Variants in UNC5D observed in about 807,000 individuals in gnomAD.
The protein encoded by UNC5D is unc-5 netrin receptor D.
UNC5D carries 39 observed loss-of-function variants against 105.4 expected under a neutral mutation model. The observed-to-expected ratio is 0.37, with a 90% CI of 0.29 to 0.48. UNC5D has a LOEUF of 0.48. Ranked by LOEUF, UNC5D falls within the 20% of genes least tolerant of loss-of-function variation. The pLI is 0.98. For synonymous variants in UNC5D, 452 were observed against 450.4 expected, an observed-to-expected ratio of 1.00 and a Z score of -0.04; for missense variants, 991 against 1,202.4, an observed-to-expected ratio of 0.82 and a Z score of 2.60.
At chr8:35,363,559 A>G (rs1801959777) in intron 1 of UNC5D, among the ~76,000 whole-genome samples, 1 of 152,026 alleles carries the variant, frequency 6.6e-6, no homozygotes, top group Non-Finnish European at 1.5e-5. Context: ...TAGATTGTGC[A>G]TTTTCATTAT....
chr8:35,291,914 A>T (rs1807093955), intron 1 of UNC5D, among the ~76,000 whole-genome samples: 2 of 152,180 alleles, frequency 1.3e-5, no homozygotes, highest in African/African-American at 4.8e-5. Flanking sequence ...CTTTGGAATG[A>T]TTGCTGTTAG....
intron 1 of UNC5D, among the ~76,000 whole-genome samples, chr8:35,430,777 A>G (rs1040630177): frequency 7.2e-5 from 11 of 152,188 alleles, no homozygotes; most frequent in African/African-American, 2.7e-4. Flanking sequence ...TTTGCTACTG[A>G]GAACAGATAA....
chr8:35,280,579 A>T (rs1806080905), intron 1 of UNC5D, among the ~76,000 whole-genome samples: 1 of 152,198 alleles, frequency 6.6e-6, no homozygotes, highest in African/African-American at 2.4e-5. Flanking sequence ...AAGGGAACAC[A>T]TCCTCTCTTT....
In UNC5D at chr8:35,478,033, T is replaced by C. The variant is rs1188612524; in HGVS notation, c.104-71259T>C. ...AGCCTTATATTAATCAATAATTTCATTTTAAGCAAAGAATTGTGTGCAGAT... is the reference window on the plus strand; with the variant it reads ...AGCCTTATATTAATCAATAATTTCACTTTAAGCAAAGAATTGTGTGCAGAT... On this transcript the variant is annotated intron_variant, in intron 1 of 16. Coordinates refer to ENST00000404895, the MANE Select transcript of UNC5D (RefSeq NM_080872.4). Among the ~76,000 whole-genome samples, 8 of 152,158 alleles carry C rather than the reference T, an allele frequency of 5.3e-5. 1 individual carries two copies. The highest frequency in any genetic ancestry group is 5.2e-4 in the Admixed American group (8 of 15,274).
At chr8:35,557,994 T>C (rs979680815) in intron 2 of UNC5D, among the ~76,000 whole-genome samples, 9 of 152,050 alleles carry the variant, frequency 5.9e-5, no homozygotes, top group African/African-American at 2.2e-4. Context: ...TAGCTGGATG[T>C]GGTGGTGGGC....
chr8:35,537,178 A>G (rs1563512646), intron 1 of UNC5D, among the ~76,000 whole-genome samples: 2 of 152,250 alleles, frequency 1.3e-5, no homozygotes, highest in Non-Finnish European at 2.9e-5. Context: ...TGAATAAACA[A>G]TTCAGAAGGT....
intron 11 of UNC5D, among the ~76,000 whole-genome samples, chr8:35,735,346 C>A (rs181870649): frequency 1.1e-4 from 17 of 151,430 alleles, no homozygotes; most frequent in African/African-American, 3.9e-4. Flanking sequence ...ACATTCATTT[C>A]TTTTTCCAAT....
rs952248458 is a variant in UNC5D at position 35,724,042 on chromosome 8, T to C, written c.1303+1647T>C. The C allele has an allele frequency of 5.8e-6, 6 of 1,025,976 alleles. No individual in the cohort carries two copies. In the African/African-American group the frequency reaches 9.8e-5, roughly 17 times the overall value. The allele number at this position is 1,025,976 out of a possible 1,614,324, so 63.6% of individuals were successfully genotyped here. On this transcript the variant is annotated intron_variant, in intron 9 of 16. Coordinates refer to ENST00000404895, the MANE Select transcript of UNC5D (RefSeq NM_080872.4). ...ATGCAGCGAATAGAGTTCTAGACGC[T>C]GGTTGCTTCCTCTTACCCTAGTACA...
At chr8:35,275,027 G>C (rs1805678149) in intron 1 of UNC5D, among the ~76,000 whole-genome samples, 2 of 151,708 alleles carry the variant, frequency 1.3e-5, no homozygotes, top group South Asian at 4.2e-4. Flanking sequence ...GGAGGTGGAG[G>C]TTGTAGTGAG....
At chr8:35,510,742 C>T (rs898595960) in intron 1 of UNC5D, among the ~76,000 whole-genome samples, 6 of 152,114 alleles carry the variant, frequency 3.9e-5, no homozygotes, top group African/African-American at 1.4e-4. Flanking sequence ...AAGGAGGAAG[C>T]TTTCTACATT....
At chr8:35,771,025 G>A (rs16884418) in intron 15 of UNC5D, among the ~76,000 whole-genome samples, 12,997 of 152,200 alleles carry the variant, frequency 0.085, 1,550 homozygotes, top group African/African-American at 0.27. Context: ...GTCTTTTAGA[G>A]TGCATCATAA....
At chr8:35,721,282 G>A (rs576997419) in intron 8 of UNC5D, among the ~76,000 whole-genome samples, 9 of 152,002 alleles carry the variant, frequency 5.9e-5, no homozygotes, top group East Asian at 1.9e-4. Context: ...GATAAATCTC[G>A]TGTGCTGTAT....
intron 1 of UNC5D, chr8:35,256,343 A>C (rs1804071946): frequency 6.6e-6 from 1 of 152,086 alleles, no homozygotes; most frequent in Non-Finnish European, 1.5e-5. Context: ...ATATACTTTA[A>C]ATTCAGGGGT....
At chr8:35,359,275 G>A (rs1232701913) in intron 1 of UNC5D, among the ~76,000 whole-genome samples, 1 of 152,246 alleles carries the variant, frequency 6.6e-6, no homozygotes, top group Non-Finnish European at 1.5e-5. Context: ...TCTGGCCAGT[G>A]TGACCGTGTG....
At chr8:35,609,173 T>A (rs1375873032) in intron 4 of UNC5D, among the ~76,000 whole-genome samples, 1 of 152,190 alleles carries the variant, frequency 6.6e-6, no homozygotes, top group African/African-American at 2.4e-5. Context: ...ATGTTAAACT[T>A]TTTTTCATGT....
chr8:35,533,816 G>T (rs892085768), intron 1 of UNC5D, among the ~76,000 whole-genome samples: 6 of 152,138 alleles, frequency 3.9e-5, no homozygotes, highest in Non-Finnish European at 8.8e-5. Flanking sequence ...TTTTCCAAGT[G>T]CGTCCATCAC....
chr8:35,500,346 G>A (rs1811882594), intron 1 of UNC5D, among the ~76,000 whole-genome samples: 1 of 152,114 alleles, frequency 6.6e-6, no homozygotes, highest in Admixed American at 6.6e-5. Flanking sequence ...CCCATGATAA[G>A]GAACCCACTG....
At chr8:35,499,966 G>A (rs977107883) in intron 1 of UNC5D, among the ~76,000 whole-genome samples, 1 of 152,138 alleles carries the variant, frequency 6.6e-6, no homozygotes, top group Non-Finnish European at 1.5e-5. Flanking sequence ...CTGTGCAAGT[G>A]AAACTATCAA....
intron 4 of UNC5D, among the ~76,000 whole-genome samples, chr8:35,598,375 T>C (rs1819622300): frequency 1.3e-5 from 2 of 152,258 alleles, no homozygotes; most frequent in South Asian, 4.1e-4. Flanking sequence ...AAGGCTATTT[T>C]CAGAAAGGTG....
Sources: allele counts gnomAD v4.1 joint callset (sites outside exome capture counted in the v4.1 genomes callset), GRCh38; gene constraint gnomAD v4.1.1; transcripts MANE v1.5; gene names NCBI Gene and HGNC (gene_info 2026-07-23, HGNC 2026-07-21).